SNRPN: variants seen among roughly 807,000 people sequenced by gnomAD.
SNRPN encodes the protein small nuclear ribonucleoprotein polypeptide N.
SNRPN carries 7 observed loss-of-function variants against 25.2 expected under a neutral mutation model. That is an observed-to-expected ratio of 0.28 (90% CI 0.16 to 0.52). SNRPN has a LOEUF of 0.52. Among genes scored for constraint, SNRPN ranks in the 20% least tolerant of loss-of-function variants. The pLI, the probability that SNRPN is intolerant of heterozygous loss-of-function variation, is 0.96. For synonymous variants in SNRPN, 124 were observed against 110.6 expected (o/e 1.12, Z -0.76); for missense variants, 196 against 322.5 (o/e 0.61, Z 3.00).
chr15:24,960,672 A>G (rs142703439), intron 1 of SNRPN, among the ~76,000 whole-genome samples: 2 of 152,242 alleles, frequency 1.3e-5, no homozygotes, highest in East Asian at 3.9e-4. Flanking sequence ...AGCCACTTGT[A>G]TGTGTTTGGA....
At chr15:24,921,354 C>T (rs1012633155) in intron 3 of SNRPN, 3 of 151,972 alleles carry the variant, frequency 2.0e-5, no homozygotes, top group African/African-American at 4.8e-5. Context: ...AGTTACAGTC[C>T]CTCTCAGAAA....
chr15:24,944,196 A>C (rs2061741129), intron 3 of SNRPN, among the ~76,000 whole-genome samples: 1 of 152,132 alleles, frequency 6.6e-6, no homozygotes, highest in Non-Finnish European at 1.5e-5. Context: ...CCTGTTGCAG[A>C]AGCTTCTGTT....
intron 3 of SNRPN, among the ~76,000 whole-genome samples, chr15:24,938,790 A>G (rs1297500782): frequency 2.0e-5 from 3 of 152,184 alleles, no homozygotes; most frequent in East Asian, 3.9e-4. Flanking sequence ...GCTTTGGGCT[A>G]CAGGGATGGT....
chr15:24,873,530 C>T (rs1345823918), intron 1 of SNRPN, among the ~76,000 whole-genome samples: 3 of 149,916 alleles, frequency 2.0e-5, no homozygotes, highest in Non-Finnish European at 3.0e-5. Flanking sequence ...TCACTGCAAG[C>T]TCCGCCTCCC....
At chr15:24,937,619 A>C (rs2061317089) in intron 3 of SNRPN, among the ~76,000 whole-genome samples, 1 of 152,230 alleles carries the variant, frequency 6.6e-6, no homozygotes, top group African/African-American at 2.4e-5. Flanking sequence ...CACTTTTTAA[A>C]TTGTAAAAAC....
chr15:24,841,254 A>AG (rs1334156532), intron 2 of SNRPN, among the ~76,000 whole-genome samples: 2 of 152,248 alleles, frequency 1.3e-5, no homozygotes, highest in East Asian at 3.9e-4. Context: ...TGGGTAGCTT[A>AG]GGTAACAGGC....
At chr15:24,829,364 G>A (rs2050334308) in intron 1 of SNRPN, among the ~76,000 whole-genome samples, 1 of 152,080 alleles carries the variant, frequency 6.6e-6, no homozygotes, top group African/African-American at 2.4e-5. Flanking sequence ...AGAGTGAGGA[G>A]CAGTGAGTCC....
At position 24,970,556 on chromosome 15, in the gene SNRPN, G is replaced by A. The variant is rs182518576; in HGVS notation, c.-144+2474G>A. On this transcript the variant is annotated intron_variant, in intron 3 of 9. Coordinates refer to ENST00000390687, the MANE Select transcript of SNRPN (RefSeq NM_003097.6). ...ATTGTGCCACTGCGCTTCAGCCTGC[G>A]TGACAGAGCAAGACTTCTATCTCAA... Among the ~76,000 whole-genome samples, 304 of 152,302 alleles carry A rather than the reference G, an allele frequency of 2.0e-3. 2 individuals carry two copies. The highest frequency in any genetic ancestry group is 3.4e-3 in the Middle Eastern group (1 of 294).
rs1419607199 is a variant in SNRPN, at chr15:24,872,770, C to G, written c.-578-13746C>G. Among the ~76,000 whole-genome samples, 10 of 90,890 alleles carry G rather than the reference C, an allele frequency of 1.1e-4. 3 individuals carry two copies. Among genetic ancestry groups the G allele is most frequent in the Non-Finnish European group, 2.0e-4 (9 of 45,336 alleles). The allele number at this position is 90,890 out of a possible 152,430, so 59.6% of individuals were successfully genotyped here. ...TCGAAAAAAAAAAAAAAAAAAAAAG[C>G]TGGGTGCGGTGGCTTACGCCTGTAA... On this transcript the variant is annotated intron_variant, in intron 1 of 11. Coordinates refer to the SNRPN transcript ENST00000400097.
chr15:24,875,980 G>C lies in SNRPN; in HGVS notation c.-578-10536G>C, dbSNP rs565397613. On this transcript the variant is annotated intron_variant, in intron 1 of 11. Transcript: ENST00000400097. ...GAGGCAGGAGAATCGCTTGAACCTG[G>C]CAAGTGGAGGTTGCAGTGAGCCGAG... 8.6e-5 allele frequency among the ~76,000 whole-genome samples: 13 copies of C among 151,460 alleles called. No individual in the cohort carries two copies. The East Asian group carries it at 2.5e-3, about 30-fold the overall frequency.
chr15:24,936,510 A>G (rs1417829552), intron 3 of SNRPN, among the ~76,000 whole-genome samples: 1 of 152,184 alleles, frequency 6.6e-6, no homozygotes, highest in East Asian at 1.9e-4. Flanking sequence ...CTGCACTGCT[A>G]TAAAGAACTA....
chr15:24,916,336 T>C (rs182209880), intron 2 of SNRPN, among the ~76,000 whole-genome samples: 2 of 151,570 alleles, frequency 1.3e-5, no homozygotes, highest in African/African-American at 2.4e-5. Context: ...TAGGGGAAAG[T>C]GGGGGGAGAG....
chr15:24,850,904 G>A (rs949361883), intron 2 of SNRPN: 1 of 151,934 alleles, frequency 6.6e-6, no homozygotes, highest in Non-Finnish European at 1.5e-5. Context: ...CCATATCTGT[G>A]AGGAGTTTTT....
In SNRPN at chr15:24,977,804, T is replaced by C. The variant is rs781125322; in HGVS notation, c.447T>C (p.Thr149=). 4 of 1,613,110 alleles carry C rather than the reference T, an allele frequency of 2.5e-6. No homozygotes were observed. In the African/African-American group the frequency reaches 4.0e-5, roughly 16 times the overall value. The change falls in exon 8 of 10, where the codon ACT becomes ACC. Residue 149 remains threonine, a synonymous_variant. Coordinates refer to ENST00000390687, the MANE Select transcript of SNRPN (RefSeq NM_003097.6). ...QQVMTPQGRG[T]VAAAAVAATA... ...TAATGACTCCACAGGGAAGAGGCAC[T>C]GTAGCAGCTGCTGCTGTTGCTGCGA...
intron 3 of SNRPN, chr15:24,942,198 A>G (rs573548605): frequency 2.0e-5 from 3 of 152,274 alleles, no homozygotes; most frequent in African/African-American, 7.2e-5. Flanking sequence ...GGGACAGGAA[A>G]CACAAATTTT....
At chr15:24,835,466 G>A (rs907246052) in intron 2 of SNRPN, among the ~76,000 whole-genome samples, 5 of 151,888 alleles carry the variant, frequency 3.3e-5, no homozygotes, top group East Asian at 1.9e-4. Context: ...TATTTCCCAC[G>A]TTACTGCTGT....
At chr15:24,861,559 G>A (rs2053982555) in intron 1 of SNRPN, among the ~76,000 whole-genome samples, 1 of 152,162 alleles carries the variant, frequency 6.6e-6, no homozygotes, top group Non-Finnish European at 1.5e-5. Flanking sequence ...GCAGACTTTA[G>A]AAACACTGTA....
chr15:24,845,789 A>G (rs2052142897), intron 2 of SNRPN, among the ~76,000 whole-genome samples: 1 of 152,114 alleles, frequency 6.6e-6, no homozygotes, highest in Non-Finnish European at 1.5e-5. Context: ...ATAAATATGT[A>G]AGAATTGACC....
chr15:24,977,132 G>A, intron 7 of SNRPN, 103 bp downstream of exon 7: 1 of 923,970 alleles, frequency 1.1e-6, no homozygotes, highest in Non-Finnish European at 1.6e-6. Context: ...AATGTAAACA[G>A]CATATGGTTT....
Sources: allele counts gnomAD v4.1 joint callset (sites outside exome capture counted in the v4.1 genomes callset), GRCh38; gene constraint gnomAD v4.1.1; transcripts MANE v1.5; gene names NCBI Gene and HGNC (gene_info 2026-07-23, HGNC 2026-07-21).